The following SNX25 variants were observed in gnomAD, a reference collection of about 807,000 sequenced individuals.
SNX25 encodes the protein sorting nexin 25, also known as sorting nexin-25.
SNX25 carries 62 observed loss-of-function variants against 113.7 expected under a neutral mutation model. The ratio of observed to expected loss-of-function variants is 0.55; its 90% CI spans 0.44 to 0.67. The LOEUF (loss-of-function observed/expected upper bound fraction) is 0.67, where lower values mean the gene tolerates loss of function less well. Among genes scored for constraint, SNX25 ranks in the 30% least tolerant of loss-of-function variants. The pLI is 0.00. For synonymous variants in SNX25, 421 were observed against 436.2 expected, an observed-to-expected ratio of 0.97 and a Z score of 0.43; for missense variants, 1,014 against 1,161.0, an observed-to-expected ratio of 0.87 and a Z score of 1.84.
chr4:185,331,957 A>G (rs901821466), intron 9 of SNX25, among the ~76,000 whole-genome samples: 1 of 152,268 alleles, frequency 6.6e-6, no homozygotes, highest in African/African-American at 2.4e-5. Context: ...AATTCTCTGC[A>G]GTGCCCTGCA....
At position 185,363,805 on chromosome 4, in the gene SNX25, C is replaced by A; in HGVS notation, c.*340C>A. On this transcript the variant is annotated 3_prime_UTR_variant, in exon 19 of 19. Coordinates refer to ENST00000652585, the MANE Select transcript of SNX25 (RefSeq NM_001378034.2). This position sits in a 1 kb window ranked among gnomAD's most constrained non-coding sequence, Gnocchi z 4.2. Reference sequence around the variant, plus strand: ...ACTATGAATATTGTACAGTTAATTTCCTCACTGAGGACTGTGAACATTCTT... The same window carrying A: ...ACTATGAATATTGTACAGTTAATTTACTCACTGAGGACTGTGAACATTCTT... 1 of 178,428 alleles carries A rather than the reference C, an allele frequency of 5.6e-6. No individual in the cohort carries two copies. Among genetic ancestry groups the A allele is most frequent in the Non-Finnish European group, 1.2e-5 (1 of 83,342 alleles). 11.1% of individuals were successfully genotyped at this position (178,428 alleles called of 1,614,324 possible).
chr4:185,289,907 A>C (rs1046601056), intron 6 of SNX25, among the ~76,000 whole-genome samples: 10 of 152,138 alleles, frequency 6.6e-5, no homozygotes, highest in Admixed American at 2.0e-4. Flanking sequence ...ACAGGAATTA[A>C]TTTTCTCACA....
At chr4:185,278,494 G>T (rs919359449) in intron 5 of SNX25, among the ~76,000 whole-genome samples, 1 of 36,690 alleles carries the variant, frequency 2.7e-5, no homozygotes, top group Non-Finnish European at 5.1e-5. Flanking sequence ...ATGAAATGAC[G>T]CATGGAATGA....
intron 7 of SNX25, among the ~76,000 whole-genome samples, chr4:185,318,779 C>G (rs115775044): frequency 6.6e-6 from 1 of 152,136 alleles, no homozygotes; most frequent in Non-Finnish European, 1.5e-5. Flanking sequence ...AGAACTGTAC[C>G]TGATACCAAG....
intron 5 of SNX25, 22 bp from the exon 6 acceptor site, chr4:185,287,990 C>A: frequency 6.3e-7 from 1 of 1,584,288 alleles, no homozygotes; most frequent in Non-Finnish European, 8.6e-7. Flanking sequence ...AAATCTTTTT[C>A]TTTTCTCTTT....
intron 5 of SNX25, among the ~76,000 whole-genome samples, chr4:185,285,396 C>T (rs969642437): frequency 6.6e-6 from 1 of 152,206 alleles, no homozygotes; most frequent in African/African-American, 2.4e-5. Flanking sequence ...ATTGGCCATA[C>T]TCATTATTGA....
rs190782012 is a variant in SNX25, at chr4:185,219,741, G to A, written c.429+9486G>A. Among the ~76,000 whole-genome samples the A allele has an allele frequency of 4.6e-5, 7 of 152,112 alleles. No homozygotes were observed. The East Asian group carries it at 1.4e-3, about 29-fold the overall frequency. On this transcript the variant is annotated intron_variant, in intron 1 of 18. Transcript: ENST00000652585. ...TTTCTCTAGTCCCCAACCTTGAGCTGCTACACATAAGCCACCTCCCACAAG... is the reference window on the plus strand; with the variant it reads ...TTTCTCTAGTCCCCAACCTTGAGCTACTACACATAAGCCACCTCCCACAAG...
At chr4:185,281,528 A>G (rs1022291572) in intron 5 of SNX25, among the ~76,000 whole-genome samples, 1 of 152,196 alleles carries the variant, frequency 6.6e-6, no homozygotes, top group Non-Finnish European at 1.5e-5. Flanking sequence ...ATCCACTGTG[A>G]GAGCTCACAT....
chr4:185,367,300 C>CT, downstream of SNX25: 1 of 1,336,588 alleles, frequency 7.5e-7, no homozygotes, highest in South Asian at 1.3e-5. Flanking sequence ...TTGGGTCTTT[C>CT]TTCTTTTTTT....
At chr4:185,362,869 T>G (rs1000588036) in intron 18 of SNX25, among the ~76,000 whole-genome samples, 158 bp downstream of exon 18, 10 of 137,264 alleles carry the variant, frequency 7.3e-5, no homozygotes, top group African/African-American at 2.2e-4. Context: ...TGAGACAGAG[T>G]TTCGCTCTTG....
At chr4:185,320,954 A>G (rs2095115152) in intron 8 of SNX25, 90 bp downstream of exon 8, 21 of 1,178,488 alleles carry the variant, frequency 1.8e-5, no homozygotes, top group Non-Finnish European at 2.3e-5. Context: ...CAAGATAAGT[A>G]TACATTAAAA....
At chr4:185,290,060 C>T (rs1751926496) in intron 6 of SNX25, among the ~76,000 whole-genome samples, 1 of 152,126 alleles carries the variant, frequency 6.6e-6, no homozygotes, top group Admixed American at 6.5e-5. Context: ...TTCTTTTGTA[C>T]CTGTCTTTCC....
chr4:185,220,887 A>G (rs1262474064), intron 1 of SNX25, among the ~76,000 whole-genome samples: 1 of 152,048 alleles, frequency 6.6e-6, no homozygotes, highest in Non-Finnish European at 1.5e-5. Context: ...TTTTTGAGAC[A>G]GGGTGTCACT....
At position 185,209,896 on chromosome 4, in the gene SNX25, C is replaced by A. The variant is rs1737465685; in HGVS notation, c.70C>A (p.Arg24Ser). Residue 24 changes from arginine (R) to serine (S), a missense_variant, in exon 1 of 19, where the codon CGT becomes AGT. Transcript: ENST00000652585. The surrounding 1 kb of genome is among the most constrained non-coding windows in gnomAD (Gnocchi z 5.2). ...SPARAAGAGG[R>S]PVSGFRGERR... ...CGCGCGGGCCGCAGGCGCCGGCGGC[C>A]GTCCTGTCTCGGGCTTCAGGGGCGA... 1 of 983,248 alleles carries A rather than the reference C, an allele frequency of 1.0e-6. No homozygotes were observed. Among genetic ancestry groups the A allele is most frequent in the Non-Finnish European group, 1.2e-6 (1 of 829,206 alleles). 60.9% of individuals were successfully genotyped at this position (983,248 alleles called of 1,614,324 possible).
At chr4:185,367,354 G>C, downstream of SNX25, 1 of 918,680 alleles carries the variant, frequency 1.1e-6, no homozygotes, top group Non-Finnish European at 1.6e-6. Context: ...AAAGTACAGT[G>C]AATTTCAAGA....
intron 6 of SNX25, among the ~76,000 whole-genome samples, chr4:185,293,295 A>G (rs1159536768): frequency 6.6e-6 from 1 of 152,254 alleles, no homozygotes; most frequent in Non-Finnish European, 1.5e-5. Flanking sequence ...TGTATACCCA[A>G]GGGAAATGAA....
intron 3 of SNX25, among the ~76,000 whole-genome samples, chr4:185,261,339 G>A (rs1747315300): frequency 6.6e-6 from 1 of 152,034 alleles, no homozygotes; most frequent in African/African-American, 2.4e-5. Flanking sequence ...ACCACACCCA[G>A]CTACATTTTG....
rs1219219922 is a variant in SNX25, at chr4:185,234,638, C to G, written c.430-12656C>G. 4.9e-4 allele frequency among the ~76,000 whole-genome samples: 9 copies of G among 18,392 alleles called. 3 individuals are homozygous for G. Among genetic ancestry groups the G allele is most frequent in the Non-Finnish European group, 1.1e-3 (8 of 7,212 alleles). 12.1% of individuals were successfully genotyped at this position (18,392 alleles called of 152,430 possible). A position where few individuals can be genotyped will look rare whatever the true frequency, so the allele number is the denominator to read the frequency against. The stretch of plus-strand genomic sequence containing the variant: ...CGGAGCTTGCAGTGAGCCGAGATCG[C>G]GCCACTGCACTCCAGCCTGGGCGAC... On this transcript the variant is annotated intron_variant, in intron 1 of 18. Coordinates refer to ENST00000652585, the MANE Select transcript of SNX25 (RefSeq NM_001378034.2).
At chr4:185,293,053 T>C (rs1478210281) in intron 6 of SNX25, among the ~76,000 whole-genome samples, 1 of 152,212 alleles carries the variant, frequency 6.6e-6, no homozygotes, top group Non-Finnish European at 1.5e-5. Context: ...TATAAAGAAC[T>C]CTTATAACTC....
Sources: gnomAD v4.1 joint callset for allele counts (sites outside exome capture counted in the v4.1 genomes callset) on GRCh38, gnomAD v4.1.1 for gene constraint, Gnocchi (gnomAD v3.1) non-coding constraint, MANE v1.5 for transcripts, NCBI Gene and HGNC (gene_info 2026-07-23, HGNC 2026-07-21) for gene names.